The following BEGAIN variants were observed in gnomAD, a reference collection of about 807,000 sequenced individuals.
The protein encoded by BEGAIN is brain enriched guanylate kinase associated.
BEGAIN carries 19 observed loss-of-function variants against 35.8 expected under a neutral mutation model. The ratio of observed to expected loss-of-function variants is 0.53; its 90% CI spans 0.37 to 0.78. BEGAIN has a LOEUF of 0.78. Ranked by LOEUF, BEGAIN falls within the 30% of genes least tolerant of loss-of-function variation. The pLI, the probability that BEGAIN is intolerant of heterozygous loss-of-function variation, is 0.00. For missense variants in BEGAIN, 795 were observed against 853.6 expected (o/e 0.93, Z 0.85); for synonymous variants, 462 against 388.6 (o/e 1.19, Z -2.22).
chr14:100,554,463 C>T (rs7492369), intron 2 of BEGAIN, among the ~76,000 whole-genome samples: 39,477 of 152,034 alleles, frequency 0.26, 5,631 homozygotes, highest in African/African-American at 0.36. Context: ...TCCTCCCTTC[C>T]AGGCTGTAGG....
At chr14:100,550,982 T>A (rs1461019394) in intron 2 of BEGAIN, among the ~76,000 whole-genome samples, 1 of 151,956 alleles carries the variant, frequency 6.6e-6, no homozygotes, top group Non-Finnish European at 1.5e-5. Flanking sequence ...GGGTGCAAGC[T>A]CCCCCTCCCT....
At position 100,558,940 on chromosome 14, in the gene BEGAIN, G is replaced by A. The variant is rs1044037496; in HGVS notation, c.71+8971C>T. On this transcript the variant is annotated intron_variant, in intron 2 of 6. Transcript: ENST00000554140. The surrounding 1 kb of genome is among the most constrained non-coding windows in gnomAD (Gnocchi z 4.6). ...GGGAGCATGCCGGTGGGGCCAGGGC[G>A]CGTCCTGGAGATTGGTGTGGCCGGA... is the stretch of plus-strand genomic sequence containing the variant. Among the ~76,000 whole-genome samples, 11 of 152,190 alleles carry A rather than the reference G, an allele frequency of 7.2e-5. No homozygotes were observed. The highest frequency in any genetic ancestry group is 2.2e-4 in the African/African-American group (9 of 41,450).
At position 100,552,003 on chromosome 14, in the gene BEGAIN, G is replaced by C. The variant is rs572278189; in HGVS notation, c.72-5341C>G. Among the ~76,000 whole-genome samples the C allele has an allele frequency of 1.1e-4, 17 of 152,248 alleles. No homozygotes were observed. In the South Asian group the frequency reaches 3.5e-3, roughly 32 times the overall value. On this transcript the variant is annotated intron_variant, in intron 2 of 6. Transcript: ENST00000554140. Reference sequence around the variant, plus strand: ...AAAACAGGATGGGATGAGTGCGTTCGCTCGAGGCTGCCAGAAACAACTGCC... The same window carrying C: ...AAAACAGGATGGGATGAGTGCGTTCCCTCGAGGCTGCCAGAAACAACTGCC...
chr14:100,570,983 G>A (rs990718434), intron 1 of BEGAIN, among the ~76,000 whole-genome samples: 3 of 152,110 alleles, frequency 2.0e-5, no homozygotes, highest in Admixed American at 6.5e-5. Context: ...AGGAGTCTGT[G>A]GGGTGCCCCA....
At chr14:100,585,907 G>A (rs540294478) in intron 1 of BEGAIN, among the ~76,000 whole-genome samples, 6 of 152,398 alleles carry the variant, frequency 3.9e-5, no homozygotes, top group Admixed American at 2.6e-4. Flanking sequence ...CAGAGCCCGT[G>A]TGCTGAGCCC....
intron 5 of BEGAIN, 120 bp downstream of exon 5, chr14:100,543,738 G>A (rs1052467928): frequency 3.6e-5 from 28 of 777,220 alleles, no homozygotes; most frequent in Non-Finnish European, 5.1e-5. Context: ...TTGAGGCTGG[G>A]GCCAAAGCAG....
chr14:100,570,349 GACAGGCAGGGA>G (rs1226656901), intron 1 of BEGAIN, among the ~76,000 whole-genome samples: 1 of 152,230 alleles, frequency 6.6e-6, no homozygotes, highest in African/African-American at 2.4e-5. Flanking sequence ...CAGGGCAAGA[GACAGGCAGGGA>G]ACAGGCAGCC....
intron 2 of BEGAIN, among the ~76,000 whole-genome samples, chr14:100,553,831 G>C (rs1038355148): frequency 3.3e-5 from 5 of 152,152 alleles, no homozygotes. Flanking sequence ...CCTGCCTCCA[G>C]CAAGCCCACT....
chr14:100,584,891 G>A (rs2035400191), intron 1 of BEGAIN, among the ~76,000 whole-genome samples: 1 of 151,990 alleles, frequency 6.6e-6, no homozygotes, highest in Non-Finnish European at 1.5e-5. Flanking sequence ...AACACGGCGA[G>A]TCCTAGGGTC....
intron 1 of BEGAIN, among the ~76,000 whole-genome samples, chr14:100,575,805 C>T (rs1427338456): frequency 1.3e-5 from 2 of 152,194 alleles, no homozygotes; most frequent in African/African-American, 2.4e-5. Flanking sequence ...GGTGCAGCCT[C>T]GCCCCCTGAA....
intron 2 of BEGAIN, among the ~76,000 whole-genome samples, chr14:100,559,811 G>A (rs10148448): frequency 0.29 from 43,462 of 152,008 alleles, 7,189 homozygotes; most frequent in African/African-American, 0.45. Context: ...GCATAGATGC[G>A]CACACAGACA....
Position 100,539,215 on chromosome 14 carries a change from G to A in BEGAIN, c.593C>T (p.Pro198Leu). ...CAGCACCTTGGCAATGACGCAGGTG[G>A]GGACGCTGTCGGCGTAGGCCGGGTG... ...LCHPAYADSV[P>L]TCVIAKVLEK... Residue 198 changes from proline to leucine, a missense_variant, in exon 7 of 7, where the codon CCC becomes CTC. Coordinates refer to ENST00000554140, the MANE Select transcript of BEGAIN (RefSeq NM_001385089.1). 1 of 1,587,020 alleles carries A rather than the reference G, an allele frequency of 6.3e-7. No individual in the cohort carries two copies. The highest frequency in any genetic ancestry group is 1.7e-5 in the Admixed American group (1 of 57,660).
At position 100,563,296 on chromosome 14, in the gene BEGAIN, A is replaced by C. The variant is rs1301646466; in HGVS notation, c.71+4615T>G. Among the ~76,000 whole-genome samples, 1 of 152,242 alleles carries C rather than the reference A, an allele frequency of 6.6e-6. No individual in the cohort carries two copies. The highest frequency in any genetic ancestry group is 2.4e-5 in the African/African-American group (1 of 41,462). ...TGACCTCTAACCACATGCAAACCCA[A>C]GTTCAAGTGGATGAAAAGCCAATAG... On this transcript the variant is annotated intron_variant, in intron 2 of 6. Transcript: ENST00000554140. This position sits in a 1 kb window ranked among gnomAD's most constrained non-coding sequence, Gnocchi z 4.2.
rs1252732423 is a variant in BEGAIN, at chr14:100,568,201, AAGGGGCCGGCCCGGGATGGCCCGGCC to A, written c.43-288_43-263del. The A allele has an allele frequency of 8.2e-6, 6 of 729,364 alleles. No homozygotes were observed. Among genetic ancestry groups the A allele is most frequent in the African/African-American group, 2.0e-5 (1 of 50,730 alleles). 45.2% of individuals were successfully genotyped at this position (729,364 alleles called of 1,614,324 possible). On this transcript the variant is annotated intron_variant, in intron 1 of 6. Transcript: ENST00000554140. The surrounding 1 kb of genome is among the most constrained non-coding windows in gnomAD (Gnocchi z 7.5). ...CCGAGTTACGCCCCCCGGGGCGAAG[AAGGGGCCGGCCCGGGATGGCCCGGCC>A]AGGGGCGATCTCGGCCTCGCCCGGA... is the stretch of plus-strand genomic sequence containing the variant.
chr14:100,568,471 G>A lies in BEGAIN; in HGVS notation c.43-532C>T. 7.8e-7 allele frequency: 1 copy of A among 1,286,236 alleles called. No homozygotes were observed. Among genetic ancestry groups the A allele is most frequent in the Non-Finnish European group, 1.0e-6 (1 of 987,178 alleles). 79.7% of individuals were successfully genotyped at this position (1,286,236 alleles called of 1,614,324 possible). On this transcript the variant is annotated intron_variant, in intron 1 of 6. Coordinates refer to ENST00000554140, the MANE Select transcript of BEGAIN (RefSeq NM_001385089.1). The surrounding 1 kb of genome is among the most constrained non-coding windows in gnomAD (Gnocchi z 7.5). ...CAATCCGAGGGCGATGGCATTTGGA[G>A]CCTCGACTCCTCAATCAGGGACCCG...
At chr14:100,585,088 C>T (rs538004949) in intron 1 of BEGAIN, among the ~76,000 whole-genome samples, 2 of 152,264 alleles carry the variant, frequency 1.3e-5, no homozygotes, top group African/African-American at 2.4e-5. Context: ...ACCCCTTCAT[C>T]TGTTCAGCAA....
chr14:100,569,715 T>A (rs7141087), intron 1 of BEGAIN: 17 of 154,356 alleles, frequency 1.1e-4, no homozygotes, highest in African/African-American at 3.9e-4. Flanking sequence ...AATCCAAGTG[T>A]TCCTCCATCC....
Position 100,543,858 on chromosome 14 carries a change from G to C in BEGAIN, c.408C>G (p.Asn136Lys). Residue 136 changes from asparagine (N) to lysine (K), a missense_variant and splice_region_variant, in exon 5 of 7, where the codon AAC becomes AAG. Around this residue, in one of 3 missense-constraint regions of BEGAIN, gnomAD observed 73 missense variants for 143.2 expected, o/e 0.51. Transcript: ENST00000554140. ...TGGGCCAAGTGTGTGCGGCACTCAC[G>C]TTGTCCTCTGACAGCTTGTCGATGG... The part of the protein sequence containing the change: ...KVTIDKLSED[N>K]ELYRKDCNLA... 1.2e-6 allele frequency: 2 copies of C among 1,612,118 alleles called. No individual in the cohort carries two copies. The highest frequency in any genetic ancestry group is 1.7e-6 in the Non-Finnish European group (2 of 1,178,940).
chr14:100,574,838 T>C (rs1288244998), intron 1 of BEGAIN, among the ~76,000 whole-genome samples: 1 of 152,192 alleles, frequency 6.6e-6, no homozygotes, highest in Non-Finnish European at 1.5e-5. Context: ...AACTGCAGCC[T>C]TGGGGACTTG....
Sources: allele counts gnomAD v4.1 joint callset (sites outside exome capture counted in the v4.1 genomes callset), GRCh38; gene constraint gnomAD v4.1.1; regional missense constraint gnomAD v4.1.1; non-coding constraint Gnocchi (gnomAD v3.1); transcripts MANE v1.5; gene names NCBI Gene and HGNC (gene_info 2026-07-23, HGNC 2026-07-21).